MFSD12: variants seen among roughly 807,000 people sequenced by gnomAD.
MFSD12 encodes the protein major facilitator superfamily domain-containing protein 12.
A neutral mutation model predicts 51.2 loss-of-function variants in MFSD12; 67 were observed. That is an observed-to-expected ratio of 1.31 (90% CI 1.08 to 1.60). MFSD12 has a LOEUF of 1.60. MFSD12 is among the 40% of genes most tolerant of loss of function. The pLI, the probability that MFSD12 is intolerant of heterozygous loss-of-function variation, is 0.00. For synonymous variants in MFSD12, 441 were observed against 316.7 expected (o/e 1.39, Z -4.17); for missense variants, 921 against 673.0 (o/e 1.37, Z -4.08).
Position 3,544,829 on chromosome 19 carries a change from C to T in MFSD12, c.1400G>A (p.Trp467Ter). 1 of 1,612,538 alleles carries T rather than the reference C, an allele frequency of 6.2e-7. No homozygotes were observed. The highest frequency in any genetic ancestry group is 8.5e-7 in the Non-Finnish European group (1 of 1,179,636). ...AALCLCSLLL[W>*]PTRLRRWDRD... ...CTCACAGCGTCGCAGGCGGGTCGGC[C>T]ACAGCAGGAGGCTACAGAGACACAG... Residue 467 changes from tryptophan (W) to a stop codon, truncating the protein, a stop_gained, in exon 9 of 10, where the codon TGG (tryptophan) becomes TAG (stop). Coordinates refer to ENST00000355415, the MANE Select transcript of MFSD12 (RefSeq NM_174983.5). LOFTEE classifies it high-confidence loss of function.
At chr19:3,545,544 A>G (rs1031958414) in intron 8 of MFSD12, among the ~76,000 whole-genome samples, 14 of 152,198 alleles carry the variant, frequency 9.2e-5, no homozygotes, top group African/African-American at 3.4e-4. Context: ...TGTCAGGGCC[A>G]CGTCACCTCC....
At chr19:3,543,168 C>T (rs2030573586), downstream of MFSD12, 1 of 1,519,784 alleles carries the variant, frequency 6.6e-7, no homozygotes, top group Non-Finnish European at 8.8e-7. Context: ...CCCTGGCAGA[C>T]ATCGCAAAGG....
In MFSD12 at chr19:3,544,296, C is replaced by A; in HGVS notation, c.*414G>T. 7.8e-7 allele frequency: 1 copy of A among 1,282,242 alleles called. No individual in the cohort carries two copies. The highest frequency in any genetic ancestry group is 9.9e-7 in the Non-Finnish European group (1 of 1,014,840). The allele number at this position is 1,282,242 out of a possible 1,614,324, so 79.4% of individuals were successfully genotyped here. ...GGGGTCCAGGCCCAGCCCACCACCC[C>A]GTGGCTGTCTCCTCCAGGCTCCAGC... On this transcript the variant is annotated 3_prime_UTR_variant, in exon 10 of 10. Transcript: ENST00000355415.
chr19:3,551,129 T>C lies in MFSD12; in HGVS notation c.364A>G (p.Thr122Ala). ...FSPCLGCGAA[T>A]PEWAALLYYG... ...TAGAGGAGGGCAGCCCACTCGGGCGTGGCCGCCCCACAGCCCAGGCAGGGG... is the reference window on the plus strand; with the variant it reads ...TAGAGGAGGGCAGCCCACTCGGGCGCGGCCGCCCCACAGCCCAGGCAGGGG... The change falls in exon 2 of 10, where the codon ACG becomes GCG. Residue 122 changes from threonine (T) to alanine (A), a missense_variant. Thr to Ala is a moderately conservative substitution (Grantham distance 58). Coordinates refer to ENST00000355415, the MANE Select transcript of MFSD12 (RefSeq NM_174983.5). The surrounding 1 kb of genome is among the most constrained non-coding windows in gnomAD (Gnocchi z 4.6). 6.2e-7 allele frequency: 1 copy of C among 1,612,936 alleles called. No individual in the cohort carries two copies. The highest frequency in any genetic ancestry group is 1.1e-5 in the South Asian group (1 of 91,052).
In MFSD12 at chr19:3,551,277, G is replaced by C. The variant is rs898103881; in HGVS notation, c.299-83C>G. On this transcript the variant is annotated intron_variant, in intron 1 of 9. Transcript: ENST00000355415. This position sits in a 1 kb window ranked among gnomAD's most constrained non-coding sequence, Gnocchi z 4.6. Reference sequence around the variant, plus strand: ...GGTGAGGACATGGAGGGAGGAGAGAGGGAAACTGAGGCACAGATGGAGACG... The same window carrying C: ...GGTGAGGACATGGAGGGAGGAGAGACGGAAACTGAGGCACAGATGGAGACG... The C allele has an allele frequency of 2.3e-5, 26 of 1,117,362 alleles. No individual in the cohort carries two copies. In the African/African-American group the frequency reaches 3.6e-4, roughly 15 times the overall value. 69.2% of individuals were successfully genotyped at this position (1,117,362 alleles called of 1,614,324 possible).
intron 2 of MFSD12, among the ~76,000 whole-genome samples, chr19:3,549,310 A>G (rs1347329591): frequency 3.3e-5 from 5 of 152,212 alleles, no homozygotes; most frequent in Admixed American, 3.3e-4. Flanking sequence ...AGCAGCTGTA[A>G]GTCCACCATG....
intron 8 of MFSD12, among the ~76,000 whole-genome samples, chr19:3,545,165 G>C (rs1392294331): frequency 6.6e-6 from 1 of 152,072 alleles, no homozygotes; most frequent in Non-Finnish European, 1.5e-5. Flanking sequence ...CCCCTTCCCT[G>C]TCTCCTCATG....
At chr19:3,542,450 C>G (rs1403072522), downstream of MFSD12, 42 of 985,220 alleles carry the variant, frequency 4.3e-5, no homozygotes, top group Non-Finnish European at 4.9e-5. Context: ...AGAGCAAGGT[C>G]AAAGCATAAA....
rs778162678 is a variant in MFSD12 at position 3,547,331 on chromosome 19, G to C, written c.964C>G (p.Leu322Val). The C allele has an allele frequency of 2.5e-6, 4 of 1,613,406 alleles. No individual in the cohort carries two copies. The highest frequency in any genetic ancestry group is 2.2e-5 in the South Asian group (2 of 91,082). Residue 322 changes from leucine (L) to valine (V), a missense_variant, in exon 6 of 10, where the codon CTC (leucine) becomes GTC (valine). Coordinates refer to ENST00000355415, the MANE Select transcript of MFSD12 (RefSeq NM_174983.5). Reference sequence around the variant, plus strand: ...AGGAAGGAGGACAAGAAGCCGCTGAGGTACATCACCAGGGGAATGGTCGCG... The same window carrying C: ...AGGAAGGAGGACAAGAAGCCGCTGACGTACATCACCAGGGGAATGGTCGCG... ...FIATIPLVMY[L>V]SGFLSSFLMK... is the part of the protein sequence containing the mutation.
In MFSD12 at chr19:3,544,698, G is replaced by A. The variant is rs566821469; in HGVS notation, c.*12C>T. The A allele has an allele frequency of 1.3e-6, 2 of 1,596,662 alleles. No individual in the cohort carries two copies. Among genetic ancestry groups the A allele is most frequent in the South Asian group, 1.1e-5 (1 of 88,094 alleles). ...ACAGTTCCCTTGCACAGGTGCAGGAGGCTGTCAGGAGTCAGGGCCGGGCAT... is the reference window on the plus strand; with the variant it reads ...ACAGTTCCCTTGCACAGGTGCAGGAAGCTGTCAGGAGTCAGGGCCGGGCAT... On this transcript the variant is annotated 3_prime_UTR_variant, in exon 10 of 10. Transcript: ENST00000355415.
downstream of MFSD12, chr19:3,541,525 G>C (rs945969678): frequency 3.3e-5 from 9 of 268,798 alleles, 1 homozygote; most frequent in Admixed American, 7.1e-5. Flanking sequence ...GTTTCACCAT[G>C]TTGGCCAGGC....
In MFSD12 at chr19:3,544,669, C is replaced by G. The variant is rs1288687071; in HGVS notation, c.*41G>C. ...GGCCCTGGGGGGCATCCTCGTGCGTCCCCACAGTTCCCTTGCACAGGTGCA... is the reference window on the plus strand; with the variant it reads ...GGCCCTGGGGGGCATCCTCGTGCGTGCCCACAGTTCCCTTGCACAGGTGCA... On this transcript the variant is annotated 3_prime_UTR_variant, in exon 10 of 10. Coordinates refer to ENST00000355415, the MANE Select transcript of MFSD12 (RefSeq NM_174983.5). 1 of 1,562,056 alleles carries G rather than the reference C, an allele frequency of 6.4e-7. No individual in the cohort carries two copies. Among genetic ancestry groups the G allele is most frequent in the African/African-American group, 1.4e-5 (1 of 74,020 alleles).
intron 8 of MFSD12, among the ~76,000 whole-genome samples, chr19:3,545,789 G>C (rs2030963608): frequency 6.6e-6 from 1 of 152,218 alleles, no homozygotes; most frequent in African/African-American, 2.4e-5. Flanking sequence ...AGTTCTGTGG[G>C]TCTGGGTTAC....
chr19:3,549,695 C>G (rs546349208), intron 2 of MFSD12, among the ~76,000 whole-genome samples: 1 of 141,276 alleles, frequency 7.1e-6, no homozygotes, highest in South Asian at 2.3e-4. Context: ...TGCACTCCAG[C>G]CTGGGTGACA....
At chr19:3,554,888 C>CAG (rs1169128752) in intron 1 of MFSD12, among the ~76,000 whole-genome samples, 1 of 152,188 alleles carries the variant, frequency 6.6e-6, no homozygotes, top group Non-Finnish European at 1.5e-5. Context: ...GCATCAAGAG[C>CAG]GGCTGCCTGG....
At chr19:3,539,915 G>C (rs2030219641), downstream of MFSD12, 1 of 152,146 alleles carries the variant, frequency 6.6e-6, no homozygotes, top group Non-Finnish European at 1.5e-5. Context: ...CCATGAAAAA[G>C]AAGAGTGAAA....
downstream of MFSD12, among the ~76,000 whole-genome samples, chr19:3,541,394 C>G (rs968842548): frequency 6.6e-6 from 1 of 151,578 alleles, no homozygotes; most frequent in African/African-American, 2.4e-5. Context: ...ATGATCTCAG[C>G]TCACTGCAAC....
chr19:3,539,077 A>AG (rs1323274228), intron 4 of MFSD12: 6 of 718,646 alleles, frequency 8.3e-6, no homozygotes, highest in Non-Finnish European at 1.5e-5. Context: ...AGCTGGGAGG[A>AG]GGGAGTGGTC....
downstream of MFSD12, chr19:3,543,976 G>C (rs201115234): frequency 7.1e-6 from 11 of 1,548,622 alleles, no homozygotes; most frequent in Admixed American, 3.9e-5. Context: ...ACCTGCCAGC[G>C]GTCCCCGCCT....
Sources: gnomAD v4.1 joint callset for allele counts (sites outside exome capture counted in the v4.1 genomes callset) on GRCh38, gnomAD v4.1.1 for gene constraint, Gnocchi (gnomAD v3.1) non-coding constraint, MANE v1.5 for transcripts, NCBI Gene and HGNC (gene_info 2026-07-23, HGNC 2026-07-21) for gene names.